CCSER1: variants seen among roughly 807,000 people sequenced by gnomAD.
CCSER1 encodes serine-rich coiled-coil domain-containing protein 1.
In CCSER1, 41 loss-of-function variants were observed where a neutral mutation model predicts 82.0. That is an observed-to-expected ratio of 0.50 (90% CI 0.39 to 0.65). The LOEUF is 0.65. CCSER1 is among the 30% of genes least tolerant of loss of function. The pLI is 0.00. For missense variants in CCSER1, 1,119 were observed against 1,064.2 expected, an observed-to-expected ratio of 1.05 and a Z score of -0.72; for synonymous variants, 414 against 383.9, an observed-to-expected ratio of 1.08 and a Z score of -0.92.
chr4:91,442,195 G>T (rs1226471498), intron 10 of CCSER1, among the ~76,000 whole-genome samples: 3 of 150,646 alleles, frequency 2.0e-5, no homozygotes, highest in Non-Finnish European at 3.0e-5. Flanking sequence ...CAAAGCTGGA[G>T]GCATCACGCT....
chr4:91,327,751 G>T (rs768883026), intron 10 of CCSER1, among the ~76,000 whole-genome samples: 1 of 152,076 alleles, frequency 6.6e-6, no homozygotes, highest in South Asian at 2.1e-4. Flanking sequence ...TCATTTCTTT[G>T]TTTCTGCAAA....
At chr4:91,141,375 C>A (rs1416409414) in intron 10 of CCSER1, among the ~76,000 whole-genome samples, 2 of 152,194 alleles carry the variant, frequency 1.3e-5, no homozygotes, top group Non-Finnish European at 2.9e-5. Context: ...TGGTCTCGAA[C>A]TCCTGACCTC....
intron 6 of CCSER1, among the ~76,000 whole-genome samples, chr4:90,718,203 G>C (rs1453486610): frequency 6.6e-6 from 1 of 151,902 alleles, no homozygotes; most frequent in African/African-American, 2.4e-5. Context: ...ACATTTAAAA[G>C]GGGGAAATTT....
intron 10 of CCSER1, among the ~76,000 whole-genome samples, chr4:91,241,439 C>A (rs1739354656): frequency 6.8e-6 from 1 of 146,904 alleles, no homozygotes. Context: ...CATTCTCTTG[C>A]CTCAGCCTCC....
chr4:90,579,916 T>G (rs867581543), intron 5 of CCSER1, among the ~76,000 whole-genome samples: 1 of 152,152 alleles, frequency 6.6e-6, no homozygotes, highest in East Asian at 1.9e-4. Flanking sequence ...TAAACTGAAT[T>G]ATTATGTAGC....
At chr4:91,424,358 AT>A (rs1398650883) in intron 10 of CCSER1, among the ~76,000 whole-genome samples, 1 of 152,040 alleles carries the variant, frequency 6.6e-6, no homozygotes, top group African/African-American at 2.4e-5. Flanking sequence ...GATCTGCGGA[AT>A]TTGGGTTGGT....
intron 10 of CCSER1, among the ~76,000 whole-genome samples, chr4:91,470,105 T>A (rs1388762827): frequency 6.6e-5 from 10 of 152,204 alleles, no homozygotes; most frequent in Non-Finnish European, 1.3e-4. Flanking sequence ...AGTGCTGAAA[T>A]GACATCTACA....
intron 5 of CCSER1, among the ~76,000 whole-genome samples, chr4:90,604,586 G>A (rs1042476888): frequency 3.3e-5 from 5 of 152,156 alleles, no homozygotes; most frequent in African/African-American, 4.8e-5. Flanking sequence ...CATTGCAGGC[G>A]AGCTGCCCGC....
intron 8 of CCSER1, among the ~76,000 whole-genome samples, chr4:90,831,062 G>A (rs1293026299): frequency 1.3e-5 from 2 of 151,974 alleles, no homozygotes; most frequent in East Asian, 1.9e-4. Flanking sequence ...GGGGAACTGA[G>A]GTTCAGCACA....
At chr4:90,883,832 C>G (rs1721708654) in intron 8 of CCSER1, among the ~76,000 whole-genome samples, 1 of 151,832 alleles carries the variant, frequency 6.6e-6, no homozygotes, top group Non-Finnish European at 1.5e-5. Flanking sequence ...TGAAATAATA[C>G]AGAAAGTTGG....
chr4:91,255,641 GA>G (rs1333780687), intron 10 of CCSER1, among the ~76,000 whole-genome samples: 3 of 152,182 alleles, frequency 2.0e-5, no homozygotes, highest in African/African-American at 7.2e-5. Context: ...AGCTGTGACA[GA>G]AGAACATAAA....
At chr4:90,990,043 G>T (rs533176996) in intron 9 of CCSER1, among the ~76,000 whole-genome samples, 1 of 151,914 alleles carries the variant, frequency 6.6e-6, no homozygotes, top group African/African-American at 2.4e-5. Context: ...AATGTAAATG[G>T]ACTTTAAGAG....
chr4:91,046,802 G>T (rs542226380), intron 9 of CCSER1, among the ~76,000 whole-genome samples: 4 of 151,524 alleles, frequency 2.6e-5, no homozygotes, highest in African/African-American at 9.7e-5. Flanking sequence ...ACTACAACCC[G>T]CACCTCCCAG....
intron 9 of CCSER1, among the ~76,000 whole-genome samples, chr4:90,925,764 G>A (rs530256331): frequency 2.2e-4 from 33 of 152,132 alleles, no homozygotes; most frequent in Admixed American, 1.6e-3. Context: ...AGCTTGTTTC[G>A]TATGTTACAG....
chr4:90,320,676 T>C (rs1736991895), intron 3 of CCSER1, among the ~76,000 whole-genome samples: 1 of 152,152 alleles, frequency 6.6e-6, no homozygotes, highest in Non-Finnish European at 1.5e-5. Flanking sequence ...CTTCGTTTCT[T>C]ATAAGCTTAT....
chr4:90,713,798 G>C (rs1232608211), intron 6 of CCSER1, among the ~76,000 whole-genome samples: 1 of 151,854 alleles, frequency 6.6e-6, no homozygotes, highest in Admixed American at 6.6e-5. Context: ...CGTAGGTTCA[G>C]TCTCTACATA....
At chr4:91,177,314 C>T (rs756679847) in intron 10 of CCSER1, among the ~76,000 whole-genome samples, 69 of 152,296 alleles carry the variant, frequency 4.5e-4, no homozygotes, top group Non-Finnish European at 9.3e-4. Flanking sequence ...GCTTTGGTAT[C>T]AGGATGATGC....
At position 91,236,288 on chromosome 4, in the gene CCSER1, C is replaced by A. The variant is rs1454143236; in HGVS notation, c.2217+150294C>A. ...GGATCATGAGGTCAAGAGATCAAGA[C>A]CATCCTGGCCAACATGGTGAAACCC... is the stretch of plus-strand genomic sequence containing the variant. On this transcript the variant is annotated intron_variant, in intron 10 of 10. Coordinates refer to ENST00000509176, the MANE Select transcript of CCSER1 (RefSeq NM_001145065.2). Among the ~76,000 whole-genome samples, 3 of 152,074 alleles carry A rather than the reference C, an allele frequency of 2.0e-5. No individual in the cohort carries two copies. The East Asian group carries it at 5.8e-4, about 29-fold the overall frequency.
intron 10 of CCSER1, among the ~76,000 whole-genome samples, chr4:91,111,152 G>T (rs1561557106): frequency 6.6e-6 from 1 of 151,884 alleles, no homozygotes; most frequent in African/African-American, 2.4e-5. Flanking sequence ...TTTAAAGCAT[G>T]TTTATGCTGT....
Sources: allele counts gnomAD v4.1 joint callset (sites outside exome capture counted in the v4.1 genomes callset), GRCh38; gene constraint gnomAD v4.1.1; transcripts MANE v1.5; gene names NCBI Gene and HGNC (gene_info 2026-07-23, HGNC 2026-07-21).